The following TTC7B variants were observed in gnomAD, a reference collection of about 807,000 sequenced individuals.
TTC7B encodes tetratricopeptide repeat protein 7B.
Under a neutral mutation model 106.8 loss-of-function variants are expected in TTC7B, and 28 were observed. The ratio of observed to expected loss-of-function variants is 0.26; its 90% CI spans 0.19 to 0.36. The LOEUF (loss-of-function observed/expected upper bound fraction) is 0.36, where lower values mean the gene tolerates loss of function less well. Among genes scored for constraint, TTC7B ranks in the 10% least tolerant of loss-of-function variants. The probability of loss-of-function intolerance (pLI) is 1.00; values close to 1 mark genes in which losing one functional copy is unlikely to be tolerated. For missense variants in TTC7B, 862 were observed against 1,076.4 expected, an observed-to-expected ratio of 0.80 and a Z score of 2.79; for synonymous variants, 405 against 430.6, an observed-to-expected ratio of 0.94 and a Z score of 0.74.
intron 5 of TTC7B, among the ~76,000 whole-genome samples, chr14:90,709,277 G>T (rs1197978830): frequency 6.6e-6 from 1 of 150,716 alleles, no homozygotes; most frequent in Non-Finnish European, 1.5e-5. Flanking sequence ...CAAAGACTTG[G>T]AACCAACCCA....
At chr14:90,676,774 G>T in intron 8 of TTC7B, 114 bp from the exon 9 acceptor site, 1 of 1,141,644 alleles carries the variant, frequency 8.8e-7, no homozygotes, top group Non-Finnish European at 1.2e-6. Flanking sequence ...GGAGACAAGG[G>T]TAGGAATGAG....
At chr14:90,616,285 G>A (rs1166181340) in intron 16 of TTC7B, among the ~76,000 whole-genome samples, 1 of 152,236 alleles carries the variant, frequency 6.6e-6, no homozygotes, top group African/African-American at 2.4e-5. Flanking sequence ...CATAGGCCAG[G>A]AGTGGGGGCT....
At chr14:90,771,919 T>C (rs1890877816) in intron 3 of TTC7B, among the ~76,000 whole-genome samples, 1 of 146,246 alleles carries the variant, frequency 6.8e-6, no homozygotes, top group African/African-American at 2.5e-5. Flanking sequence ...CTTTATTTTA[T>C]ATATAAATAT....
intron 8 of TTC7B, among the ~76,000 whole-genome samples, chr14:90,679,526 G>C (rs1352084649): frequency 6.6e-6 from 1 of 152,196 alleles, no homozygotes; most frequent in Non-Finnish European, 1.5e-5. Context: ...TGACAACTAT[G>C]GGGAGGGGGC....
At chr14:90,659,026 C>T (rs938764904) in intron 9 of TTC7B, among the ~76,000 whole-genome samples, 2 of 152,122 alleles carry the variant, frequency 1.3e-5, no homozygotes, top group African/African-American at 4.8e-5. Context: ...AGGCCAGGAA[C>T]AAAGTGGATA....
chr14:90,593,659 A>T, intron 17 of TTC7B, 33 bp from the exon 18 acceptor site: 1 of 1,549,394 alleles, frequency 6.5e-7, no homozygotes, highest in Non-Finnish European at 8.8e-7. Flanking sequence ...CTCTATCAGG[A>T]GCGAAAGAAC....
intron 3 of TTC7B, among the ~76,000 whole-genome samples, chr14:90,758,271 C>T (rs560483901): frequency 2.5e-4 from 37 of 150,738 alleles, no homozygotes; most frequent in African/African-American, 7.8e-4. Context: ...AGGAACCAGT[C>T]CTGCAGTCCT....
At chr14:90,584,266 G>C (rs1891626298) in intron 18 of TTC7B, among the ~76,000 whole-genome samples, 2 of 152,246 alleles carry the variant, frequency 1.3e-5, no homozygotes, top group Admixed American at 1.3e-4. Context: ...CTGGCTGGGG[G>C]ACCTGGTGCT....
At chr14:90,561,847 G>A (rs767374277) in intron 19 of TTC7B, among the ~76,000 whole-genome samples, 2 of 152,194 alleles carry the variant, frequency 1.3e-5, no homozygotes, top group Non-Finnish European at 2.9e-5. Flanking sequence ...GAGGGTTGGC[G>A]AGTCTGGCAA....
intron 5 of TTC7B, among the ~76,000 whole-genome samples, chr14:90,713,353 T>A (rs1566850802): frequency 6.6e-6 from 1 of 152,170 alleles, no homozygotes; most frequent in Non-Finnish European, 1.5e-5. Context: ...TGACCTCAGG[T>A]GATCCGCTCA....
chr14:90,798,380 A>G (rs1025572701), intron 1 of TTC7B, among the ~76,000 whole-genome samples: 5 of 152,314 alleles, frequency 3.3e-5, no homozygotes, highest in African/African-American at 1.2e-4. Context: ...ATAGCTGACA[A>G]TCACAAAGAT....
Position 90,530,282 on chromosome 14 carries a change from T to C in TTC7B, c.*11086A>G, listed in dbSNP as rs2139748868. On this transcript the variant is annotated 3_prime_UTR_variant, in exon 20 of 20. Transcript: ENST00000328459. The stretch of plus-strand genomic sequence containing the variant: ...GACTCCATCCCAAAAAACAAAAAAA[T>C]CTATACTCATGGGAGAATGCTGCAA... 1 of 151,844 alleles carries C rather than the reference T, an allele frequency of 6.6e-6. No individual in the cohort carries two copies. Among genetic ancestry groups the C allele is most frequent in the African/African-American group, 2.4e-5 (1 of 41,446 alleles). The allele number at this position is 151,844 out of a possible 1,614,324, so 9.4% of individuals were successfully genotyped here. A position where few individuals can be genotyped will look rare whatever the true frequency, so the allele number is the denominator to read the frequency against.
At chr14:90,705,283 T>C (rs1203119256) in intron 5 of TTC7B, among the ~76,000 whole-genome samples, 1 of 152,186 alleles carries the variant, frequency 6.6e-6, no homozygotes, top group Non-Finnish European at 1.5e-5. Context: ...TACCACTAAC[T>C]GGTTCCATGC....
At chr14:90,567,128 G>A (rs905071577) in intron 19 of TTC7B, among the ~76,000 whole-genome samples, 1 of 152,248 alleles carries the variant, frequency 6.6e-6, no homozygotes, top group South Asian at 2.1e-4. Flanking sequence ...TTGGCTCCAG[G>A]TCAGCACCCC....
chr14:90,587,620 C>G (rs986929222), intron 18 of TTC7B, among the ~76,000 whole-genome samples: 1 of 152,186 alleles, frequency 6.6e-6, no homozygotes, highest in African/African-American at 2.4e-5. Flanking sequence ...TACAGTGCTC[C>G]CCCCAGCACT....
intron 19 of TTC7B, among the ~76,000 whole-genome samples, chr14:90,553,242 A>G (rs1890163409): frequency 6.6e-6 from 1 of 152,208 alleles, no homozygotes; most frequent in Admixed American, 6.5e-5. Flanking sequence ...CTGCGCTATC[A>G]TGGGGCCCCT....
At chr14:90,777,221 T>C (rs751888447) in intron 3 of TTC7B, among the ~76,000 whole-genome samples, 10 of 152,102 alleles carry the variant, frequency 6.6e-5, no homozygotes, top group African/African-American at 2.2e-4. Flanking sequence ...GCCTGGGCAA[T>C]AGAGCGAGAC....
chr14:90,764,219 T>C (rs1890599278), intron 3 of TTC7B, among the ~76,000 whole-genome samples: 1 of 152,098 alleles, frequency 6.6e-6, no homozygotes, highest in Non-Finnish European at 1.5e-5. Flanking sequence ...AAGAACAGTA[T>C]TTTCAAAAAA....
chr14:90,762,608 T>C (rs375515025), intron 3 of TTC7B, among the ~76,000 whole-genome samples: 7 of 152,362 alleles, frequency 4.6e-5, no homozygotes, highest in African/African-American at 1.2e-4. Context: ...TGTCAATCAA[T>C]TGCAAATATA....
Sources: allele counts gnomAD v4.1 joint callset (sites outside exome capture counted in the v4.1 genomes callset), GRCh38; gene constraint gnomAD v4.1.1; transcripts MANE v1.5; gene names NCBI Gene and HGNC (gene_info 2026-07-23, HGNC 2026-07-21).